Variants in NMNAT2 observed in about 807,000 individuals in gnomAD.
The protein encoded by NMNAT2 is nicotinamide/nicotinic acid mononucleotide adenylyltransferase 2.
NMNAT2 carries 11 observed loss-of-function variants against 41.6 expected under a neutral mutation model. The ratio of observed to expected loss-of-function variants is 0.26; its 90% confidence interval spans 0.17 to 0.44. The LOEUF is 0.44. Ranked by LOEUF, NMNAT2 falls within the 20% of genes least tolerant of loss-of-function variation. The pLI is 1.00. For missense variants in NMNAT2, 288 were observed against 407.7 expected, an observed-to-expected ratio of 0.71 and a Z score of 2.53; for synonymous variants, 148 against 151.2, an observed-to-expected ratio of 0.98 and a Z score of 0.16.
At chr1:183,404,854 G>C (rs1254827242) in intron 1 of NMNAT2, among the ~76,000 whole-genome samples, 1 of 152,138 alleles carries the variant, frequency 6.6e-6, no homozygotes, top group African/African-American at 2.4e-5. Context: ...GCAAACAAAT[G>C]CAAAATGGGG....
At chr1:183,328,717 G>C (rs1282752188) in intron 1 of NMNAT2, among the ~76,000 whole-genome samples, 2 of 152,228 alleles carry the variant, frequency 1.3e-5, no homozygotes, top group African/African-American at 4.8e-5. Context: ...CTCCTGTGAG[G>C]AAGATCTTGT....
At chr1:183,275,054 G>A (rs576567185) in intron 8 of NMNAT2, among the ~76,000 whole-genome samples, 73 of 152,256 alleles carry the variant, frequency 4.8e-4, no homozygotes, top group Non-Finnish European at 8.7e-4. Flanking sequence ...AGGTGGGTGT[G>A]GAGCAGGGCA....
intron 1 of NMNAT2, among the ~76,000 whole-genome samples, chr1:183,327,058 G>GTATTTATT (rs71127342): frequency 3.1e-4 from 47 of 150,956 alleles, no homozygotes; most frequent in Admixed American, 4.0e-4. Flanking sequence ...ATGTATGTAT[G>GTATTTATT]TATTTATTTT....
At chr1:183,370,223 T>TACACACACACACAC (rs57569629) in intron 1 of NMNAT2, among the ~76,000 whole-genome samples, 39 of 112,822 alleles carry the variant, frequency 3.5e-4, no homozygotes, top group East Asian at 1.1e-3. Flanking sequence ...TATCAACACA[T>TACACACACACACAC]ACACACACAC....
At position 183,260,081 on chromosome 1, in the gene NMNAT2, T is replaced by A. The variant is rs554384073; in HGVS notation, c.821+921A>T. Among the ~76,000 whole-genome samples the A allele has an allele frequency of 1.5e-3, 234 of 152,312 alleles. 2 individuals are homozygous for A. Among genetic ancestry groups the A allele is most frequent in the East Asian group, 9.6e-4 (5 of 5,184 alleles). ...CCTTCTTTGGGTTAGTAATAGAGCA[T>A]CCTGAGTTTTATCTGGGCATGTGGC... is the stretch of plus-strand genomic sequence containing the variant. On this transcript the variant is annotated intron_variant, in intron 10 of 10. Coordinates refer to ENST00000287713, the MANE Select transcript of NMNAT2 (RefSeq NM_015039.4).
intron 1 of NMNAT2, among the ~76,000 whole-genome samples, chr1:183,342,714 A>G (rs954674608): frequency 6.6e-6 from 1 of 152,028 alleles, no homozygotes; most frequent in Non-Finnish European, 1.5e-5. Context: ...CTCTAAAGTC[A>G]TCTCAAACTC....
At chr1:183,356,788 TAG>T (rs1239724381) in intron 1 of NMNAT2, among the ~76,000 whole-genome samples, 7 of 152,234 alleles carry the variant, frequency 4.6e-5, no homozygotes, top group African/African-American at 1.4e-4. Context: ...CAGTAGAAGA[TAG>T]AGTTTTCTAA....
intron 1 of NMNAT2, among the ~76,000 whole-genome samples, chr1:183,352,171 G>T (rs186074495): frequency 6.6e-6 from 1 of 152,258 alleles, no homozygotes; most frequent in East Asian, 1.9e-4. Context: ...ATAAAAAAAG[G>T]CTTCAAAATC....
At position 183,252,498 on chromosome 1, in the gene NMNAT2, C is replaced by T. The variant is rs3738818; in HGVS notation, c.*143G>A. 29,551 of 615,660 alleles carry T rather than the reference C, an allele frequency of 0.048. 1,796 individuals are homozygous for T. Among genetic ancestry groups the T allele is most frequent in the African/African-American group, 0.2 (11,065 of 55,276 alleles). 38.1% of individuals were successfully genotyped at this position (615,660 alleles called of 1,614,324 possible). A position where few individuals can be genotyped will look rare whatever the true frequency, so the allele number is the denominator to read the frequency against. The stretch of plus-strand genomic sequence containing the variant: ...GAATAGGGAATGCCATGGTTCTCTG[C>T]AGGTCCCCCACACTATGGGGGGTTA... On this transcript the variant is annotated 3_prime_UTR_variant, in exon 11 of 11. Transcript: ENST00000287713.
chr1:183,276,524 T>C (rs1661127541), intron 8 of NMNAT2, among the ~76,000 whole-genome samples: 2 of 152,120 alleles, frequency 1.3e-5, no homozygotes, highest in Admixed American at 6.5e-5. Context: ...AGGCCCCAAA[T>C]TGTGTAAGTT....
At chr1:183,299,559 A>G (rs1015085990) in intron 1 of NMNAT2, among the ~76,000 whole-genome samples, 1 of 151,854 alleles carries the variant, frequency 6.6e-6, no homozygotes, top group Non-Finnish European at 1.5e-5. Context: ...GCTCATGCTT[A>G]TAATTCCAAC....
intron 10 of NMNAT2, among the ~76,000 whole-genome samples, chr1:183,258,724 C>T (rs1017671542): frequency 6.6e-6 from 1 of 152,014 alleles, no homozygotes; most frequent in South Asian, 2.1e-4. Flanking sequence ...TTTTGTAGAC[C>T]CTGCACTTGA....
intron 1 of NMNAT2, among the ~76,000 whole-genome samples, chr1:183,332,313 C>T (rs1043035630): frequency 6.6e-6 from 1 of 152,164 alleles, no homozygotes; most frequent in Non-Finnish European, 1.5e-5. Context: ...CTGATCTCAC[C>T]AATGTGAGAT....
At position 183,344,897 on chromosome 1, in the gene NMNAT2, C is replaced by T. The variant is rs578006860; in HGVS notation, c.86-51104G>A. 3.0e-4 allele frequency among the ~76,000 whole-genome samples: 45 copies of T among 152,298 alleles called. No homozygotes were observed. In the South Asian group the frequency reaches 7.3e-3, roughly 25 times the overall value. On this transcript the variant is annotated intron_variant, in intron 1 of 10. Transcript: ENST00000287713. ...TAGATTGAGCACAAACCAGTCTCCC[C>T]GGCAGGGCTTCCTCCCCATCCGGGG... is the stretch of plus-strand genomic sequence containing the variant.
chr1:183,370,418 G>A (rs1277352478), intron 1 of NMNAT2, among the ~76,000 whole-genome samples: 1 of 152,126 alleles, frequency 6.6e-6, no homozygotes, highest in Non-Finnish European at 1.5e-5. Context: ...TATCTTACTG[G>A]TATGCTGAGA....
chr1:183,286,820 T>C, intron 4 of NMNAT2, 32 bp from the exon 5 acceptor site: 2 of 1,594,376 alleles, frequency 1.3e-6, no homozygotes, highest in Non-Finnish European at 1.7e-6. Context: ...TTATTAGTCA[T>C]GTGACTTTGA....
At chr1:183,406,812 C>CTTTT (rs58394186) in intron 1 of NMNAT2, among the ~76,000 whole-genome samples, 7 of 88,660 alleles carry the variant, frequency 7.9e-5, no homozygotes, top group Non-Finnish European at 1.1e-4. Context: ...TCTGCCATTC[C>CTTTT]TTTTTTTTTT....
intron 1 of NMNAT2, among the ~76,000 whole-genome samples, chr1:183,335,454 C>T (rs1662663516): frequency 6.6e-6 from 1 of 152,222 alleles, no homozygotes; most frequent in African/African-American, 2.4e-5. Context: ...CCTCTGCACC[C>T]CTCTGTGGCA....
rs543993836 is a variant in NMNAT2 at position 183,248,796 on chromosome 1, T to G, written c.*3845A>C. On this transcript the variant is annotated 3_prime_UTR_variant, in exon 11 of 11. Transcript: ENST00000287713. ...CTGCAGTAGGTAGCCTTGGGAGAGA[T>G]CCTGAGCTTTTCATATTCTACCGTT... 1 of 152,118 alleles carries G rather than the reference T, an allele frequency of 6.6e-6. No homozygotes were observed. The highest frequency in any genetic ancestry group is 2.4e-5 in the African/African-American group (1 of 41,398). 9.4% of individuals were successfully genotyped at this position (152,118 alleles called of 1,614,324 possible).
Sources: gnomAD v4.1 joint callset for allele counts (sites outside exome capture counted in the v4.1 genomes callset) on GRCh38, gnomAD v4.1.1 for gene constraint, MANE v1.5 for transcripts, NCBI Gene and HGNC (gene_info 2026-07-23, HGNC 2026-07-21) for gene names.